LHPP: variants seen among roughly 807,000 people sequenced by gnomAD.
The protein encoded by LHPP is hLHPP.
LHPP carries 24 observed loss-of-function variants against 30.3 expected under a neutral mutation model. The ratio of observed to expected loss-of-function variants is 0.79; its 90% CI spans 0.57 to 1.11. The LOEUF is 1.11. LHPP is among the 50% of genes most tolerant of loss of function. The pLI, the probability that LHPP is intolerant of heterozygous loss-of-function variation, is 0.00. For missense variants in LHPP, 356 were observed against 367.2 expected (o/e 0.97, Z 0.25); for synonymous variants, 150 against 157.1 (o/e 0.95, Z 0.34).
intron 1 of LHPP, among the ~76,000 whole-genome samples, chr10:124,470,681 C>CAACAACAACAATAAT (rs1554877242): frequency 9.3e-5 from 14 of 150,890 alleles, no homozygotes; most frequent in African/African-American, 3.2e-4. Flanking sequence ...ACAACAACAA[C>CAACAACAACAATAAT]AATAATAATA....
intron 6 of LHPP, among the ~76,000 whole-genome samples, chr10:124,553,616 G>T (rs574343439): frequency 6.6e-6 from 1 of 151,956 alleles, no homozygotes; most frequent in Non-Finnish European, 1.5e-5. Flanking sequence ...CCGCCACCAC[G>T]CCTGGCTAAT....
chr10:124,560,632 C>T (rs1421629541), intron 6 of LHPP, among the ~76,000 whole-genome samples: 1 of 152,220 alleles, frequency 6.6e-6, no homozygotes, highest in Non-Finnish European at 1.5e-5. Context: ...AGAGAACATG[C>T]CGTGCTCCCG....
intron 6 of LHPP, among the ~76,000 whole-genome samples, chr10:124,566,284 C>T (rs183716967): frequency 1.8e-4 from 28 of 152,336 alleles, no homozygotes; most frequent in East Asian, 1.4e-3. Flanking sequence ...CCCTGGGAGA[C>T]TCACTTTCAG....
rs1468159680 is a variant in LHPP at position 124,588,966 on chromosome 10, G to A, written c.717-24298G>A. On this transcript the variant is annotated intron_variant, in intron 6 of 6. Transcript: ENST00000368842. ...TGACCAGCCACAGCCGGTGCAGCGC[G>A]GTTATTTATAGCCCTGGTGGAGCGC... Among the ~76,000 whole-genome samples the A allele has an allele frequency of 3.3e-5, 5 of 152,330 alleles. No homozygotes were observed. In the South Asian group the frequency reaches 1.0e-3, roughly 32 times the overall value.
chr10:124,489,489 C>G lies in LHPP; in HGVS notation c.467+914C>G, dbSNP rs141889592. Among the ~76,000 whole-genome samples the G allele has an allele frequency of 1.3e-4, 20 of 152,324 alleles. No homozygotes were observed. The East Asian group carries it at 3.7e-3, about 28-fold the overall frequency. On this transcript the variant is annotated intron_variant, in intron 3 of 6. Transcript: ENST00000368842. ...ATATTTTTTAAGACTGAGTCTCGCT[C>G]TGTCACCCAGGCTGGAGTGCAGCGG...
Position 124,587,906 on chromosome 10 carries a change from G to C in LHPP, c.717-25358G>C, listed in dbSNP as rs374060200. On this transcript the variant is annotated intron_variant, in intron 6 of 6. Transcript: ENST00000368842. ...GCCGAGTGCTGAATGCAGGTTGGGGGACAGGGCTGCCGGCCTCTGTAAGGA... is the reference window on the plus strand; with the variant it reads ...GCCGAGTGCTGAATGCAGGTTGGGGCACAGGGCTGCCGGCCTCTGTAAGGA... Among the ~76,000 whole-genome samples, 37 of 152,314 alleles carry C rather than the reference G, an allele frequency of 2.4e-4. 1 individual carries two copies. Among genetic ancestry groups the C allele is most frequent in the African/African-American group, 7.2e-4 (30 of 41,582 alleles).
chr10:124,484,034 G>T (rs1953233243), intron 1 of LHPP, 105 bp from the exon 2 acceptor site: 1 of 1,089,156 alleles, frequency 9.2e-7, no homozygotes. Flanking sequence ...GGCCTAGTCT[G>T]CTCTGGGCTT....
intron 6 of LHPP, among the ~76,000 whole-genome samples, chr10:124,589,287 G>C (rs1427646839): frequency 6.6e-6 from 1 of 152,254 alleles, no homozygotes; most frequent in Non-Finnish European, 1.5e-5. Flanking sequence ...TGTCTCACTT[G>C]CAGTGTGCAC....
At chr10:124,611,211 T>TG (rs926820844) in intron 6 of LHPP, among the ~76,000 whole-genome samples, 4 of 152,028 alleles carry the variant, frequency 2.6e-5, no homozygotes, top group African/African-American at 9.7e-5. Flanking sequence ...TGCTGGCAAC[T>TG]GCCCTTTGCT....
At chr10:124,552,372 C>A (rs1948184609) in intron 6 of LHPP, among the ~76,000 whole-genome samples, 1 of 152,112 alleles carries the variant, frequency 6.6e-6, no homozygotes, top group Non-Finnish European at 1.5e-5. Flanking sequence ...ACCCTGCCAC[C>A]ACCCACCCCT....
intron 6 of LHPP, among the ~76,000 whole-genome samples, chr10:124,582,842 T>TAAA (rs374763515): frequency 1.4e-5 from 2 of 146,470 alleles, no homozygotes; most frequent in African/African-American, 5.1e-5. Flanking sequence ...TTGTCTCTAT[T>TAAA]CAAAAAAAAA....
At chr10:124,489,179 A>G (rs1441830314) in intron 3 of LHPP, among the ~76,000 whole-genome samples, 1 of 152,254 alleles carries the variant, frequency 6.6e-6, no homozygotes, top group Non-Finnish European at 1.5e-5. Flanking sequence ...TTGAAGAAAA[A>G]TTAGACAATA....
chr10:124,586,984 T>C (rs1002488713), intron 6 of LHPP, among the ~76,000 whole-genome samples: 2 of 151,582 alleles, frequency 1.3e-5, no homozygotes, highest in Admixed American at 6.6e-5. Flanking sequence ...CAACCCCTTC[T>C]GGCTGGTGTG....
intron 5 of LHPP, among the ~76,000 whole-genome samples, chr10:124,502,095 A>AC (rs1953918814): frequency 1.3e-5 from 2 of 152,096 alleles, no homozygotes; most frequent in Admixed American, 6.5e-5. Context: ...AAAGTTGCAA[A>AC]CATAGTACAA....
intron 5 of LHPP, among the ~76,000 whole-genome samples, chr10:124,509,990 G>A (rs1025753346): frequency 2.0e-5 from 3 of 152,126 alleles, no homozygotes; most frequent in Non-Finnish European, 4.4e-5. Context: ...AGGCAGATGC[G>A]TAAGAGGGAG....
chr10:124,589,895 T>C (rs1298482620), intron 6 of LHPP, among the ~76,000 whole-genome samples: 5 of 152,174 alleles, frequency 3.3e-5, no homozygotes, highest in Non-Finnish European at 5.9e-5. Flanking sequence ...CAGCGCGCCC[T>C]GGCCGCCAGG....
chr10:124,602,301 C>T (rs1050553613), intron 6 of LHPP, among the ~76,000 whole-genome samples: 1 of 152,232 alleles, frequency 6.6e-6, no homozygotes. Context: ...ATGGTGCGCA[C>T]CCCATGGCGC....
At position 124,502,452 on chromosome 10, in the gene LHPP, C is replaced by T. The variant is rs1230218513; in HGVS notation, c.624+4324C>T. On this transcript the variant is annotated intron_variant, in intron 5 of 6. Transcript: ENST00000368842. Reference sequence around the variant, plus strand: ...CTGTCTCAGCTCACTGCAAGCTCCGCCTCCTGGGTTCACGCCATTCTCCTG... The same window carrying T: ...CTGTCTCAGCTCACTGCAAGCTCCGTCTCCTGGGTTCACGCCATTCTCCTG... 2.6e-5 allele frequency among the ~76,000 whole-genome samples: 4 copies of T among 151,622 alleles called. No individual in the cohort carries two copies. In the East Asian group the frequency reaches 7.7e-4, roughly 29 times the overall value.
At chr10:124,583,426 G>T (rs1433528785) in intron 6 of LHPP, among the ~76,000 whole-genome samples, 1 of 152,164 alleles carries the variant, frequency 6.6e-6, no homozygotes, top group Non-Finnish European at 1.5e-5. Flanking sequence ...AATGGTCATG[G>T]CACACTTGTC....
Sources: allele counts gnomAD v4.1 joint callset (sites outside exome capture counted in the v4.1 genomes callset), GRCh38; gene constraint gnomAD v4.1.1; transcripts MANE v1.5; gene names NCBI Gene and HGNC (gene_info 2026-07-23, HGNC 2026-07-21).